Variants in TMPRSS15 observed in about 807,000 individuals in gnomAD.
TMPRSS15 encodes the protein enteropeptidase.
In TMPRSS15, 128 loss-of-function variants were observed where a neutral mutation model predicts 125.3. That is an observed-to-expected ratio of 1.02 (90% CI 0.89 to 1.18). TMPRSS15 has a LOEUF of 1.18. Among genes scored for constraint, TMPRSS15 ranks in the 50% most tolerant of loss-of-function variants. The probability of loss-of-function intolerance (pLI) is 0.00; values close to 1 mark genes in which losing one functional copy is unlikely to be tolerated. For synonymous variants in TMPRSS15, 446 were observed against 423.2 expected (o/e 1.05, Z -0.66); for missense variants, 1,283 against 1,212.7 (o/e 1.06, Z -0.86).
In TMPRSS15 at chr21:18,326,424, G is replaced by T; in HGVS notation, c.1921+8C>A. On this transcript the variant is annotated splice_region_variant and intron_variant, in intron 16 of 24. Transcript: ENST00000284885. ...TTATGATGCAATGTGTGATTTATGG[G>T]CTCCTACCTGGAATCCCCAAGTGAT... The T allele has an allele frequency of 6.2e-7, 1 of 1,614,034 alleles. No homozygotes were observed. Among genetic ancestry groups the T allele is most frequent in the Non-Finnish European group, 8.5e-7 (1 of 1,179,956 alleles).
chr21:18,276,996 C>T (rs943547375), intron 23 of TMPRSS15, among the ~76,000 whole-genome samples: 2 of 151,948 alleles, frequency 1.3e-5, no homozygotes, highest in African/African-American at 4.8e-5. Flanking sequence ...AAACTCCTGA[C>T]CTCAGGTGAT....
chr21:18,475,190 G>A (rs1978856356), intron 1 of TMPRSS15, among the ~76,000 whole-genome samples: 1 of 152,088 alleles, frequency 6.6e-6, no homozygotes. Flanking sequence ...ATGTATAAAT[G>A]CCAATCCCAA....
At chr21:18,284,153 T>C (rs1319682065) in intron 21 of TMPRSS15, among the ~76,000 whole-genome samples, 1 of 152,198 alleles carries the variant, frequency 6.6e-6, no homozygotes, top group African/African-American at 2.4e-5. Flanking sequence ...TCCGCCGCCA[T>C]GTATCATTTA....
chr21:18,405,924 T>A (rs190123278), upstream of TMPRSS15, among the ~76,000 whole-genome samples: 582 of 152,320 alleles, frequency 3.8e-3, 3 homozygotes, highest in African/African-American at 0.013. Context: ...TTTCTTTTTT[T>A]AAAACAAAGT....
At chr21:18,278,311 A>G (rs1470753087) in intron 23 of TMPRSS15, among the ~76,000 whole-genome samples, 1 of 149,254 alleles carries the variant, frequency 6.7e-6, no homozygotes, top group East Asian at 2.0e-4. Flanking sequence ...TAAGTTTATC[A>G]GAGTGTTTAT....
chr21:18,284,804 C>T (rs1041823983), intron 21 of TMPRSS15, among the ~76,000 whole-genome samples: 11 of 152,088 alleles, frequency 7.2e-5, no homozygotes, highest in African/African-American at 2.2e-4. Flanking sequence ...AGTTCGAGAC[C>T]GTCCTGGCCA....
intron 18 of TMPRSS15, among the ~76,000 whole-genome samples, chr21:18,309,868 T>C (rs974708126): frequency 2.0e-5 from 3 of 152,190 alleles, no homozygotes; most frequent in Admixed American, 6.5e-5. Context: ...ATTATTTATA[T>C]AATGAATAAT....
intron 16 of TMPRSS15, among the ~76,000 whole-genome samples, chr21:18,325,408 C>G (rs1442326402): frequency 6.6e-6 from 1 of 152,044 alleles, no homozygotes; most frequent in Non-Finnish European, 1.5e-5. Flanking sequence ...ACCTCTTTAT[C>G]TGCCATAAAG....
intron 1 of TMPRSS15, among the ~76,000 whole-genome samples, chr21:18,409,828 T>TTCCCTTC (rs1237899016): frequency 1.1e-5 from 1 of 90,700 alleles, no homozygotes; most frequent in Non-Finnish European, 2.1e-5. Context: ...CTTCCCCCCT[T>TTCCCTTC]CACCCCTCCC....
intron 1 of TMPRSS15, among the ~76,000 whole-genome samples, chr21:18,457,165 T>A (rs1227657461): frequency 1.3e-5 from 2 of 152,120 alleles, no homozygotes; most frequent in South Asian, 4.1e-4. Flanking sequence ...ATTGAAATAA[T>A]TATATGTAAC....
At chr21:18,421,356 T>C (rs1335364413) in intron 1 of TMPRSS15, among the ~76,000 whole-genome samples, 1 of 152,198 alleles carries the variant, frequency 6.6e-6, no homozygotes, top group Admixed American at 6.5e-5. Context: ...AGCTAAAACC[T>C]TGGCGTCTTG....
chr21:18,360,860 A>G (rs956040253), intron 7 of TMPRSS15, among the ~76,000 whole-genome samples: 2 of 152,052 alleles, frequency 1.3e-5, no homozygotes, highest in South Asian at 2.1e-4. Flanking sequence ...TCTGTACATC[A>G]CTTTCGGTAG....
intron 9 of TMPRSS15, among the ~76,000 whole-genome samples, chr21:18,353,381 T>C (rs2075591455): frequency 6.6e-6 from 1 of 151,888 alleles, no homozygotes; most frequent in East Asian, 1.9e-4. Flanking sequence ...CTCCTGTTAC[T>C]AAATTTAATA....
At chr21:18,334,214 A>C (rs2075370453) in intron 13 of TMPRSS15, among the ~76,000 whole-genome samples, 1 of 152,178 alleles carries the variant, frequency 6.6e-6, no homozygotes, top group African/African-American at 2.4e-5. Context: ...TTTGGGTTTC[A>C]TGATGCATAT....
Position 18,396,804 on chromosome 21 carries a change from G to GTCTATCTATCTATCTATCTA in TMPRSS15, c.344+1074_344+1075insTAGATAGATAGATAGATAGA, listed in dbSNP as rs67154609. On this transcript the variant is annotated intron_variant, in intron 3 of 24. Transcript: ENST00000284885. The stretch of plus-strand genomic sequence containing the variant: ...AAAAAAAAAAAAAATCTGTCTGTCT[G>GTCTATCTATCTATCTATCTA]TCTGTCTATCTATCTATCTATCTAT... Among the ~76,000 whole-genome samples, 651 of 96,498 alleles carry GTCTATCTATCTATCTATCTA rather than the reference G, an allele frequency of 6.7e-3. 3 individuals carry two copies. Among genetic ancestry groups the GTCTATCTATCTATCTATCTA allele is most frequent in the African/African-American group, 7.7e-3 (187 of 24,434 alleles). The allele number at this position is 96,498 out of a possible 152,430, so 63.3% of individuals were successfully genotyped here.
At chr21:18,475,699 G>A (rs1173380235) in intron 1 of TMPRSS15, among the ~76,000 whole-genome samples, 2 of 152,140 alleles carry the variant, frequency 1.3e-5, no homozygotes, top group African/African-American at 4.8e-5. Flanking sequence ...TGTTAATTTT[G>A]AGTAAATGAT....
rs2074530941 is a variant in TMPRSS15, at chr21:18,269,700, A to T, written c.*269T>A. 2 of 371,486 alleles carry T rather than the reference A, an allele frequency of 5.4e-6. No homozygotes were observed. The highest frequency in any genetic ancestry group is 8.4e-5 in the Admixed American group (2 of 23,760). The allele number at this position is 371,486 out of a possible 1,614,324, so 23.0% of individuals were successfully genotyped here. A position where few individuals can be genotyped will look rare whatever the true frequency, so the allele number is the denominator to read the frequency against. On this transcript the variant is annotated 3_prime_UTR_variant, in exon 25 of 25. Transcript: ENST00000284885. ...TAAGTAATAAAAATAATCATTAAGA[A>T]TTTTAAAAATGAGATCTGTGAAGAA...
chr21:18,359,922 G>T (rs2075664009), intron 7 of TMPRSS15, 59 bp from the exon 8 acceptor site: 2 of 793,516 alleles, frequency 2.5e-6, no homozygotes, highest in South Asian at 1.4e-5. Flanking sequence ...ATTTCTTAAT[G>T]CATTCTAGAA....
intron 23 of TMPRSS15, among the ~76,000 whole-genome samples, chr21:18,275,935 C>T (rs1181833773): frequency 6.6e-6 from 1 of 152,162 alleles, no homozygotes; most frequent in Non-Finnish European, 1.5e-5. Flanking sequence ...CAAAATGATT[C>T]ATCCACTAGA....
Sources: allele counts gnomAD v4.1 joint callset (sites outside exome capture counted in the v4.1 genomes callset), GRCh38; gene constraint gnomAD v4.1.1; transcripts MANE v1.5; gene names NCBI Gene and HGNC (gene_info 2026-07-23, HGNC 2026-07-21).